The following PEAK1 variants were observed in gnomAD, a reference collection of about 807,000 sequenced individuals.
The protein encoded by PEAK1 is pseudopodium enriched atypical kinase 1, also known as inactive tyrosine-protein kinase PEAK1.
Under a neutral mutation model 124.7 loss-of-function variants are expected in PEAK1, and 54 were observed. The ratio of observed to expected loss-of-function variants is 0.43; its 90% CI spans 0.35 to 0.54. The LOEUF is 0.54. Among genes scored for constraint, PEAK1 ranks in the 20% least tolerant of loss-of-function variants. The probability of loss-of-function intolerance (pLI) is 0.01; values close to 1 mark genes in which losing one functional copy is unlikely to be tolerated. For synonymous variants in PEAK1, 719 were observed against 760.0 expected, an observed-to-expected ratio of 0.95 and a Z score of 0.89; for missense variants, 2,046 against 2,134.5, an observed-to-expected ratio of 0.96 and a Z score of 0.82.
chr15:77,266,103 G>A (rs959229720), intron 5 of PEAK1, among the ~76,000 whole-genome samples: 28 of 152,054 alleles, frequency 1.8e-4, no homozygotes, highest in Non-Finnish European at 4.1e-4. Flanking sequence ...GGACTGTTGT[G>A]GGGTGGGGAG....
At chr15:77,250,119 T>A (rs1403423952) in intron 6 of PEAK1, among the ~76,000 whole-genome samples, 1 of 137,898 alleles carries the variant, frequency 7.3e-6, no homozygotes, top group Non-Finnish European at 1.5e-5. Flanking sequence ...AATTAGAGAT[T>A]TTTTTTTAAA....
intron 6 of PEAK1, among the ~76,000 whole-genome samples, chr15:77,235,581 T>G (rs1478252307): frequency 6.6e-6 from 1 of 152,204 alleles, no homozygotes; most frequent in Non-Finnish European, 1.5e-5. Flanking sequence ...TTGGAAAATT[T>G]GCAGCCTGAA....
intron 5 of PEAK1, among the ~76,000 whole-genome samples, chr15:77,272,100 T>C (rs2062066839): frequency 6.6e-6 from 1 of 152,110 alleles, no homozygotes; most frequent in Non-Finnish European, 1.5e-5. Context: ...TAAAAACCTC[T>C]GGGATAAGCA....
intron 6 of PEAK1, among the ~76,000 whole-genome samples, chr15:77,216,142 T>C (rs1210102936): frequency 1.3e-5 from 2 of 152,222 alleles, no homozygotes; most frequent in East Asian, 1.9e-4. Flanking sequence ...AGGATTGCCA[T>C]CTTAACAATT....
intron 5 of PEAK1, among the ~76,000 whole-genome samples, chr15:77,270,798 A>G (rs889870817): frequency 1.3e-5 from 2 of 152,182 alleles, no homozygotes; most frequent in African/African-American, 4.8e-5. Flanking sequence ...GATTCTTCCT[A>G]TTCACAAGCA....
chr15:77,280,233 T>C (rs1019274179), intron 5 of PEAK1, among the ~76,000 whole-genome samples: 2 of 151,942 alleles, frequency 1.3e-5, no homozygotes, highest in East Asian at 3.9e-4. Context: ...CCCAGCTACT[T>C]AGGAGGCTGA....
intron 2 of PEAK1, among the ~76,000 whole-genome samples, chr15:77,316,545 T>C (rs899456927): frequency 6.6e-6 from 1 of 152,204 alleles, no homozygotes; most frequent in African/African-American, 2.4e-5. Flanking sequence ...GCTTATAACA[T>C]TTGTAATCAA....
rs75813363 is a variant in PEAK1 at position 77,239,642 on chromosome 15, A to G, written c.-115+12725T>C. 1.2e-3 allele frequency: 188 copies of G among 161,338 alleles called. 2 individuals are homozygous for G. The East Asian group carries it at 0.035, about 30-fold the overall frequency. 10.0% of individuals were successfully genotyped at this position (161,338 alleles called of 1,614,324 possible). ...GGCATAAAGGAAGATCAAGTGAAAT[A>G]GGATGTCCCTTCATACGTCAAAATC... On this transcript the variant is annotated intron_variant, in intron 6 of 9. Coordinates refer to ENST00000682557, the MANE Select transcript of PEAK1 (RefSeq NM_001385026.1).
Position 77,115,197 on chromosome 15 carries a change from G to C in PEAK1, c.4200C>G (p.Asn1400Lys), listed in dbSNP as rs1388162353. 2 of 1,614,194 alleles carry C rather than the reference G, an allele frequency of 1.2e-6. No homozygotes were observed. Among genetic ancestry groups the C allele is most frequent in the Admixed American group, 3.3e-5 (2 of 60,030 alleles). ...CTGGATCCTCCCAGGGAAGCAGACG[G>C]TTAGGGACTTCAGCAAGGAAATGAC... ...DCGHFLAEVP[N>K]RLLPWEDPDD... The change falls in exon 10 of 10, where the codon AAC becomes AAG. Residue 1400 changes from asparagine to lysine, a missense_variant. Physicochemically the swap from Asn to Lys is moderately conservative, Grantham distance 94. Coordinates refer to ENST00000682557, the MANE Select transcript of PEAK1 (RefSeq NM_001385026.1).
At chr15:77,192,814 C>T (rs1434783984) in intron 6 of PEAK1, among the ~76,000 whole-genome samples, 1 of 151,726 alleles carries the variant, frequency 6.6e-6, no homozygotes, top group African/African-American at 2.4e-5. Context: ...CTCTCTAGGC[C>T]GAACGGTCCT....
At chr15:77,267,811 C>T (rs986080403) in intron 5 of PEAK1, among the ~76,000 whole-genome samples, 3 of 152,076 alleles carry the variant, frequency 2.0e-5, no homozygotes, top group African/African-American at 4.8e-5. Context: ...GGTTCTTTAA[C>T]ACCCCCAAAA....
At chr15:77,251,698 T>C (rs2060890054) in intron 6 of PEAK1, among the ~76,000 whole-genome samples, 1 of 152,094 alleles carries the variant, frequency 6.6e-6, no homozygotes, top group Non-Finnish European at 1.5e-5. Flanking sequence ...GATACAGGAC[T>C]AGCTAAAATG....
At chr15:77,347,019 C>A (rs2066912894) in intron 2 of PEAK1, among the ~76,000 whole-genome samples, 1 of 152,158 alleles carries the variant, frequency 6.6e-6, no homozygotes, top group African/African-American at 2.4e-5. Flanking sequence ...GACATTTAAG[C>A]TGAGACTTAA....
chr15:77,243,680 C>A (rs1342069955), intron 6 of PEAK1, among the ~76,000 whole-genome samples: 1 of 152,142 alleles, frequency 6.6e-6, no homozygotes, highest in Non-Finnish European at 1.5e-5. Flanking sequence ...ATTAGAAACC[C>A]ACAGATGGGC....
chr15:77,145,570 C>T (rs2054120371), intron 8 of PEAK1, among the ~76,000 whole-genome samples: 2 of 152,270 alleles, frequency 1.3e-5, no homozygotes, highest in Admixed American at 6.5e-5. Flanking sequence ...ATAAAGAACA[C>T]TAACAATGAC....
At chr15:77,177,883 G>C (rs548813005) in intron 7 of PEAK1, 11 of 152,180 alleles carry the variant, frequency 7.2e-5, no homozygotes, top group African/African-American at 2.4e-4. Context: ...AATTTTTATT[G>C]ATCTTGTGTT....
chr15:77,393,368 G>A (rs565263798), intron 1 of PEAK1, among the ~76,000 whole-genome samples: 3 of 152,306 alleles, frequency 2.0e-5, no homozygotes, highest in Admixed American at 1.3e-4. Context: ...TTGCAGTTTG[G>A]GGAGAGGCTC....
chr15:77,207,819 C>T (rs2058733477), intron 6 of PEAK1, among the ~76,000 whole-genome samples: 1 of 152,128 alleles, frequency 6.6e-6, no homozygotes, highest in South Asian at 2.1e-4. Flanking sequence ...AAGAGAAAAT[C>T]CTTATGTAAA....
intron 2 of PEAK1, among the ~76,000 whole-genome samples, chr15:77,353,969 A>C (rs1235079408): frequency 2.6e-5 from 4 of 152,166 alleles, no homozygotes; most frequent in African/African-American, 9.7e-5. Flanking sequence ...TCTTCTTCCC[A>C]GTTCCTTTTT....
Sources: gnomAD v4.1 joint callset for allele counts (sites outside exome capture counted in the v4.1 genomes callset) on GRCh38, gnomAD v4.1.1 for gene constraint, MANE v1.5 for transcripts, NCBI Gene and HGNC (gene_info 2026-07-23, HGNC 2026-07-21) for gene names.